The following MICAL3 variants were observed in gnomAD, a reference collection of about 807,000 sequenced individuals.
The protein encoded by MICAL3 is [F-actin]-monooxygenase MICAL3.
MICAL3 carries 62 observed loss-of-function variants against 207.4 expected under a neutral mutation model. The observed-to-expected ratio is 0.30, with a 90% CI of 0.24 to 0.37. The LOEUF (loss-of-function observed/expected upper bound fraction) is 0.37, where lower values mean the gene tolerates loss of function less well. MICAL3 is among the 10% of genes least tolerant of loss of function. The pLI is 1.00. For missense variants in MICAL3, 2,368 were observed against 2,635.6 expected (o/e 0.90, Z 2.22); for synonymous variants, 1,077 against 1,069.3 (o/e 1.01, Z -0.14).
intron 1 of MICAL3, among the ~76,000 whole-genome samples, chr22:17,987,747 C>G (rs919843865): frequency 4.6e-5 from 7 of 152,298 alleles, no homozygotes; most frequent in African/African-American, 1.4e-4. Context: ...TTCATAAACC[C>G]ACACTGAATT....
At chr22:18,005,859 C>G (rs1328126885) in intron 1 of MICAL3, 2 of 152,146 alleles carry the variant, frequency 1.3e-5, no homozygotes, top group East Asian at 3.8e-4. Flanking sequence ...TTTAACACTC[C>G]CCTGCAAATA....
At chr22:17,938,407 G>T (rs1223208840) in intron 1 of MICAL3, among the ~76,000 whole-genome samples, 1 of 152,190 alleles carries the variant, frequency 6.6e-6, no homozygotes, top group Non-Finnish European at 1.5e-5. Flanking sequence ...AAGCTCAGCA[G>T]GGTTCAGCCA....
At chr22:17,927,965 C>T (rs144536122) in intron 1 of MICAL3, among the ~76,000 whole-genome samples, 259 of 152,312 alleles carry the variant, frequency 1.7e-3, no homozygotes, top group Middle Eastern at 6.8e-3. Flanking sequence ...ACAACACACA[C>T]TCAGATCTTT....
At chr22:17,862,919 T>G (rs956238947) in intron 19 of MICAL3, 1 of 985,400 alleles carries the variant, frequency 1.0e-6, no homozygotes, top group Non-Finnish European at 1.2e-6. Flanking sequence ...CACCACATTT[T>G]GAACTCCCGT....
intron 19 of MICAL3, chr22:17,864,451 C>T (rs968452899): frequency 6.3e-6 from 9 of 1,420,602 alleles, no homozygotes; most frequent in Non-Finnish European, 7.3e-6. Flanking sequence ...CAACACAGCT[C>T]CAGGCCGTCA....
intron 16 of MICAL3, chr22:17,879,402 T>A: frequency 6.2e-7 from 1 of 1,611,754 alleles, no homozygotes; most frequent in Non-Finnish European, 8.5e-7. Context: ...TCCCTGTATG[T>A]CTGTTGGCAA....
At chr22:17,951,632 A>C (rs1287741675) in intron 1 of MICAL3, among the ~76,000 whole-genome samples, 1 of 152,134 alleles carries the variant, frequency 6.6e-6, no homozygotes, top group African/African-American at 2.4e-5. Flanking sequence ...ACAGTCTTCC[A>C]TTATGGAATA....
chr22:18,001,601 A>G (rs1417089141), intron 1 of MICAL3: 1 of 152,248 alleles, frequency 6.6e-6, no homozygotes, highest in Non-Finnish European at 1.5e-5. Context: ...ATCTCAGTAC[A>G]CCTCGAAAAC....
At chr22:18,012,670 A>G (rs1003269412) in intron 1 of MICAL3, among the ~76,000 whole-genome samples, 4 of 152,204 alleles carry the variant, frequency 2.6e-5, no homozygotes, top group Non-Finnish European at 5.9e-5. Flanking sequence ...CTCAAATACC[A>G]TCTTCTGTGT....
At chr22:17,874,049 A>G (rs1928004477) in intron 16 of MICAL3, among the ~76,000 whole-genome samples, 1 of 152,232 alleles carries the variant, frequency 6.6e-6, no homozygotes, top group Non-Finnish European at 1.5e-5. Flanking sequence ...GTGAGGAAGA[A>G]ACACAGAAGC....
At chr22:17,815,693 AG>A (rs1363231797) in intron 27 of MICAL3, 1 of 152,398 alleles carries the variant, frequency 6.6e-6, no homozygotes, top group Non-Finnish European at 1.5e-5. Context: ...AGAGTCTTCT[AG>A]GAGAGGGGCC....
chr22:17,858,450 G>A lies in MICAL3; in HGVS notation c.2605+6449C>T, dbSNP rs947108422. 1.4e-5 allele frequency: 14 copies of A among 985,116 alleles called. No individual in the cohort carries two copies. In the Admixed American group the frequency reaches 8.6e-4, roughly 61 times the overall value. The allele number at this position is 985,116 out of a possible 1,614,324, so 61.0% of individuals were successfully genotyped here. A position where few individuals can be genotyped will look rare whatever the true frequency, so the allele number is the denominator to read the frequency against. Reference sequence around the variant, plus strand: ...GAGGTTTCAGGGCTTCGTGAAAGGGGCTGGAATTCGGAAAGACTTCTCCTG... The same window carrying A: ...GAGGTTTCAGGGCTTCGTGAAAGGGACTGGAATTCGGAAAGACTTCTCCTG... On this transcript the variant is annotated intron_variant, in intron 19 of 31. Transcript: ENST00000441493.
At chr22:17,834,255 C>CAAA in intron 20 of MICAL3, 1 of 1,087,520 alleles carries the variant, frequency 9.2e-7, no homozygotes, top group Non-Finnish European at 1.1e-6. Flanking sequence ...GTGAACATTT[C>CAAA]TGAGCACCTA....
Position 17,822,094 on chromosome 22 carries a change from C to T in MICAL3, c.3384G>A (p.Glu1128=). The change falls in exon 24 of 32, where the codon GAG becomes GAA. Residue 1128 remains glutamate (E), a synonymous_variant. Coordinates refer to ENST00000441493, the MANE Select transcript of MICAL3 (RefSeq NM_015241.3). The part of the protein sequence containing the change: ...RLPCPAEGEA[E]LELRVSEDEE... The stretch of plus-strand genomic sequence containing the variant: ...CATCTTCCGACACCCTCAGCTCCAG[C>T]TCTGCTTCCCCCTCAGCTGGGCACG... 1.9e-6 allele frequency: 3 copies of T among 1,613,970 alleles called. No homozygotes were observed. Among genetic ancestry groups the T allele is most frequent in the Non-Finnish European group, 2.5e-6 (3 of 1,179,896 alleles).
rs540160986 is a variant in MICAL3 at position 17,837,870 on chromosome 22, G to A, written c.2801+3952C>T. Among the ~76,000 whole-genome samples the A allele has an allele frequency of 1.1e-3, 163 of 152,284 alleles. 1 individual carries two copies. The highest frequency in any genetic ancestry group is 4.9e-3 in the Admixed American group (75 of 15,298). On this transcript the variant is annotated intron_variant, in intron 20 of 31. Coordinates refer to ENST00000441493, the MANE Select transcript of MICAL3 (RefSeq NM_015241.3). Reference sequence around the variant, plus strand: ...GTTACATTTGTTTTGTTTTGTTTTTGAGCCAGGGTCTCACTCTGTCACCCA... The same window carrying A: ...GTTACATTTGTTTTGTTTTGTTTTTAAGCCAGGGTCTCACTCTGTCACCCA...
intron 27 of MICAL3, 147 bp from the exon 28 acceptor site, chr22:17,810,960 T>C (rs1227636414): frequency 4.8e-6 from 3 of 630,742 alleles, no homozygotes; most frequent in African/African-American, 3.7e-5. Flanking sequence ...CTCTGTAGAG[T>C]AGAGTGCTAG....
At chr22:17,978,410 C>T (rs77373162) in intron 1 of MICAL3, among the ~76,000 whole-genome samples, 308 of 152,266 alleles carry the variant, frequency 2.0e-3, no homozygotes, top group African/African-American at 7.0e-3. Context: ...AACAGTAACT[C>T]CTATGGGTAC....
At chr22:17,921,778 C>T (rs144993461) in intron 1 of MICAL3, among the ~76,000 whole-genome samples, 1,993 of 152,204 alleles carry the variant, frequency 0.013, 27 homozygotes, top group Non-Finnish European at 0.017. Flanking sequence ...TATGAGCCAC[C>T]GCGCCCGGCT....
At chr22:17,998,717 C>G (rs577281548) in intron 1 of MICAL3, among the ~76,000 whole-genome samples, 16 of 151,998 alleles carry the variant, frequency 1.1e-4, no homozygotes, top group Admixed American at 4.6e-4. Flanking sequence ...CGCACCACCA[C>G]GCCCAGCTGG....
Sources: gnomAD v4.1 joint callset for allele counts (sites outside exome capture counted in the v4.1 genomes callset) on GRCh38, gnomAD v4.1.1 for gene constraint, MANE v1.5 for transcripts, NCBI Gene and HGNC (gene_info 2026-07-23, HGNC 2026-07-21) for gene names.